The following KDM6A variants were observed in gnomAD, a reference collection of about 807,000 sequenced individuals.
The protein encoded by KDM6A is lysine demethylase 6A.
Under a neutral mutation model 117.6 loss-of-function variants are expected in KDM6A, and 11 were observed. The ratio of observed to expected loss-of-function variants is 0.09; its 90% CI spans 0.06 to 0.15. The LOEUF (loss-of-function observed/expected upper bound fraction) is 0.15, where lower values mean the gene tolerates loss of function less well. Ranked by LOEUF, KDM6A falls within the 10% of genes least tolerant of loss-of-function variation. KDM6A has a pLI of 1.00. For missense variants in KDM6A, 799 were observed against 1,077.3 expected, an observed-to-expected ratio of 0.74 and a Z score of 3.62; for synonymous variants, 384 against 396.1, an observed-to-expected ratio of 0.97 and a Z score of 0.36.
At chrX:44,936,351 T>C (rs1001254274) in intron 2 of KDM6A, among the ~76,000 whole-genome samples, 3 of 111,284 alleles carry the variant, frequency 2.7e-5, no homozygotes, top group Non-Finnish European at 5.7e-5. Context: ...CCATACTTGA[T>C]TTAGAAACAC....
At chrX:45,094,405 A>G (rs1262767141) in intron 27 of KDM6A, among the ~76,000 whole-genome samples, 1 of 111,892 alleles carries the variant, frequency 8.9e-6, no homozygotes, top group Non-Finnish European at 1.9e-5. Context: ...GGAGAAGAGA[A>G]AGGAATAGCA....
intron 8 of KDM6A, among the ~76,000 whole-genome samples, chrX:45,048,415 A>G (rs945208208): frequency 9.0e-6 from 1 of 111,005 alleles, no homozygotes. Context: ...CAGCAACTGA[A>G]ATCTCTCTCT....
intron 5 of KDM6A, among the ~76,000 whole-genome samples, chrX:45,016,451 T>TGTA (rs1482907875): frequency 3.3e-5 from 3 of 90,409 alleles, no homozygotes; most frequent in Non-Finnish European, 6.8e-5. Context: ...ATTGATTTTA[T>TGTA]TTTATGTATG....
chrX:44,979,548 C>G (rs1348785150), intron 4 of KDM6A, among the ~76,000 whole-genome samples: 3 of 111,425 alleles, frequency 2.7e-5, no homozygotes, highest in Admixed American at 9.6e-5. Context: ...CATTTTCTTA[C>G]TAGTGTCTTT....
At chrX:45,094,666 G>T (rs2046029714) in intron 27 of KDM6A, among the ~76,000 whole-genome samples, 1 of 111,616 alleles carries the variant, frequency 9.0e-6, no homozygotes, top group Non-Finnish European at 1.9e-5. Context: ...GAAAGGCTCG[G>T]AGGAACTCTG....
intron 2 of KDM6A, among the ~76,000 whole-genome samples, chrX:44,901,944 A>G (rs770820371): frequency 8.9e-6 from 1 of 112,615 alleles, no homozygotes; most frequent in Admixed American, 9.4e-5. Context: ...AAAAAAATTC[A>G]GACTGGGTGT....
At chrX:44,990,590 A>AT (rs57112683) in intron 4 of KDM6A, among the ~76,000 whole-genome samples, 45 of 110,409 alleles carry the variant, frequency 4.1e-4, no homozygotes, top group South Asian at 7.4e-4. Flanking sequence ...AAATAAATAA[A>AT]AGCTGTCATC....
intron 2 of KDM6A, among the ~76,000 whole-genome samples, chrX:44,940,413 A>G (rs958203372): frequency 9.0e-6 from 1 of 111,679 alleles, no homozygotes; most frequent in South Asian, 3.7e-4. Context: ...ATCACCACCA[A>G]TCTCATCAGA....
chrX:44,964,239 C>T (rs1569486627), intron 3 of KDM6A, among the ~76,000 whole-genome samples: 2 of 107,884 alleles, frequency 1.9e-5, no homozygotes, highest in Admixed American at 2.0e-4. Context: ...TACCTGAGGT[C>T]AAGAGTCGAG....
chrX:44,981,450 G>A (rs1004222393), intron 4 of KDM6A, among the ~76,000 whole-genome samples: 2 of 111,601 alleles, frequency 1.8e-5, no homozygotes, highest in African/African-American at 6.5e-5. Flanking sequence ...GCCCTCTCTG[G>A]GCATGTCACC....
chrX:45,019,970 A>G (rs1295747570), intron 5 of KDM6A, among the ~76,000 whole-genome samples: 1 of 111,671 alleles, frequency 9.0e-6, no homozygotes, highest in Non-Finnish European at 1.9e-5. Flanking sequence ...GAAAAGCGGA[A>G]TGGAATAGAG....
chrX:45,000,222 A>T (rs746138868), intron 4 of KDM6A, among the ~76,000 whole-genome samples: 1 of 112,453 alleles, frequency 8.9e-6, no homozygotes, highest in African/African-American at 3.2e-5. Context: ...TGTTGGTTGT[A>T]GTAGATGTGG....
chrX:45,103,009 GGT>G (rs994162212), intron 27 of KDM6A, among the ~76,000 whole-genome samples: 2 of 110,637 alleles, frequency 1.8e-5, no homozygotes, highest in Admixed American at 1.9e-4. Flanking sequence ...GGCACCTCTT[GGT>G]GTTCGTTAAG....
chrX:45,041,212 C>T (rs1159783044), intron 8 of KDM6A, among the ~76,000 whole-genome samples: 1 of 81,645 alleles, frequency 1.2e-5, no homozygotes, highest in Non-Finnish European at 2.3e-5. Flanking sequence ...GGGCGGCTGG[C>T]CGGGCAGAGG....
chrX:44,876,970 A>AATACATATATACACGTATACGC (rs1569323103), intron 2 of KDM6A, among the ~76,000 whole-genome samples: 1 of 81,454 alleles, frequency 1.2e-5, no homozygotes, highest in African/African-American at 1.2e-4. Context: ...CACGTATATG[A>AATACATATATACACGTATACGC]ATACGTATAT....
intron 27 of KDM6A, among the ~76,000 whole-genome samples, chrX:45,096,221 A>G (rs983000983): frequency 1.8e-5 from 2 of 111,934 alleles, no homozygotes; most frequent in African/African-American, 6.5e-5. Flanking sequence ...GTGAATCTAC[A>G]GTGTGTAATT....
intron 2 of KDM6A, among the ~76,000 whole-genome samples, chrX:44,947,835 G>A (rs897041253): frequency 1.8e-5 from 2 of 111,700 alleles, no homozygotes; most frequent in African/African-American, 6.5e-5. Flanking sequence ...TCAGTGTTCT[G>A]AGCGGTTATC....
At chrX:44,973,361 A>G (rs1229692046) in intron 3 of KDM6A, among the ~76,000 whole-genome samples, 3 of 111,365 alleles carry the variant, frequency 2.7e-5, no homozygotes, top group South Asian at 3.8e-4. Flanking sequence ...TCAATAAACC[A>G]TATCTTCTTC....
intron 2 of KDM6A, among the ~76,000 whole-genome samples, chrX:44,889,425 G>C (rs1390156462): frequency 8.9e-6 from 1 of 112,101 alleles, no homozygotes; most frequent in Non-Finnish European, 1.9e-5. Context: ...TTGTAAGTTA[G>C]ATTCAGAGTA....
Sources: gnomAD v4.1 joint callset for allele counts (sites outside exome capture counted in the v4.1 genomes callset) on GRCh38, gnomAD v4.1.1 for gene constraint, MANE v1.5 for transcripts, NCBI Gene and HGNC (gene_info 2026-07-23, HGNC 2026-07-21) for gene names.